Variants in COL23A1 observed in about 807,000 individuals in gnomAD.
COL23A1 encodes the protein collagen alpha-1(XXIII) chain.
Under a neutral mutation model 99.3 loss-of-function variants are expected in COL23A1, and 97 were observed. The ratio of observed to expected loss-of-function variants is 0.98; its 90% confidence interval spans 0.83 to 1.16. COL23A1 has a LOEUF of 1.16. Among genes scored for constraint, COL23A1 ranks in the 50% most tolerant of loss-of-function variants. The pLI is 0.00. For synonymous variants in COL23A1, 320 were observed against 308.2 expected (o/e 1.04, Z -0.40); for missense variants, 762 against 757.4 (o/e 1.01, Z -0.07).
rs1762525608 is a variant in COL23A1 at position 178,560,846 on chromosome 5, A to C, written c.295-98T>G. On this transcript the variant is annotated intron_variant, in intron 1 of 28. Coordinates refer to ENST00000390654, the MANE Select transcript of COL23A1 (RefSeq NM_173465.4). ...AACATCAGCAAAAACAAATGTATCTAAACCATCTACAGTGCTGGGGCTGTC... is the reference window on the plus strand; with the variant it reads ...AACATCAGCAAAAACAAATGTATCTCAACCATCTACAGTGCTGGGGCTGTC... 3.3e-6 allele frequency: 4 copies of C among 1,200,034 alleles called. No individual in the cohort carries two copies. In the South Asian group the frequency reaches 5.5e-5, roughly 16 times the overall value. 74.3% of individuals were successfully genotyped at this position (1,200,034 alleles called of 1,614,324 possible). A position where few individuals can be genotyped will look rare whatever the true frequency, so the allele number is the denominator to read the frequency against.
intron 5 of COL23A1, among the ~76,000 whole-genome samples, chr5:178,285,675 G>A (rs1170221913): frequency 6.6e-6 from 1 of 152,188 alleles, no homozygotes; most frequent in Non-Finnish European, 1.5e-5. Context: ...GCCTGCCCAA[G>A]TCCACACAGG....
intron 2 of COL23A1, among the ~76,000 whole-genome samples, chr5:178,312,586 C>G (rs1758760024): frequency 6.6e-6 from 1 of 151,718 alleles, no homozygotes; most frequent in Admixed American, 6.6e-5. Context: ...CCCAGCCCTC[C>G]CGGCACCTCC....
intron 2 of COL23A1, among the ~76,000 whole-genome samples, chr5:178,408,407 G>C (rs1442419137): frequency 6.6e-6 from 1 of 152,040 alleles, no homozygotes; most frequent in East Asian, 1.9e-4. Flanking sequence ...CAAAAATATG[G>C]GTAAATATAA....
chr5:178,320,466 C>T (rs940438353), intron 2 of COL23A1, among the ~76,000 whole-genome samples: 2 of 152,228 alleles, frequency 1.3e-5, no homozygotes, highest in African/African-American at 4.8e-5. Context: ...GAGCAGGTCC[C>T]ACGCGGCCCC....
chr5:178,581,173 T>C (rs1193307753), intron 1 of COL23A1, among the ~76,000 whole-genome samples: 1 of 152,226 alleles, frequency 6.6e-6, no homozygotes. Flanking sequence ...TGAATCCACG[T>C]TGCCCATTAT....
At chr5:178,567,964 A>G (rs1762916780) in intron 1 of COL23A1, among the ~76,000 whole-genome samples, 1 of 152,222 alleles carries the variant, frequency 6.6e-6, no homozygotes, top group African/African-American at 2.4e-5. Flanking sequence ...GACTTAAACA[A>G]TAACTTTATA....
rs564651316 is a variant in COL23A1, at chr5:178,387,659, C to T, written c.362-80740G>A. Among the ~76,000 whole-genome samples the T allele has an allele frequency of 2.1e-3, 314 of 152,140 alleles. No individual in the cohort carries two copies. The highest frequency in any genetic ancestry group is 4.0e-3 in the Non-Finnish European group (272 of 68,020). The stretch of plus-strand genomic sequence containing the variant: ...GACCATTTACCTTTTATCCCCAGTA[C>T]GAATACAAAGATAAGGTCAAAGAAC... On this transcript the variant is annotated intron_variant, in intron 2 of 28. Transcript: ENST00000390654. The surrounding 1 kb of genome is among the most constrained non-coding windows in gnomAD (Gnocchi z 4.7).
At chr5:178,560,862 T>C in intron 1 of COL23A1, 114 bp from the exon 2 acceptor site, 2 of 969,060 alleles carry the variant, frequency 2.1e-6, no homozygotes, top group Non-Finnish European at 3.1e-6. Context: ...TCTACAGTGC[T>C]GGGGCTGTCT....
rs1043420162 is a variant in COL23A1 at position 178,362,185 on chromosome 5, C to T, written c.362-55266G>A. On this transcript the variant is annotated intron_variant, in intron 2 of 28. Coordinates refer to ENST00000390654, the MANE Select transcript of COL23A1 (RefSeq NM_173465.4). Reference sequence around the variant, plus strand: ...GAGGTGGTGTGCAGAGCGGCTCCTCCTGTCCCTGCCTGTGAACTGTTAGAC... The same window carrying T: ...GAGGTGGTGTGCAGAGCGGCTCCTCTTGTCCCTGCCTGTGAACTGTTAGAC... Among the ~76,000 whole-genome samples, 12 of 152,206 alleles carry T rather than the reference C, an allele frequency of 7.9e-5. No homozygotes were observed. In the East Asian group the frequency reaches 2.3e-3, roughly 29 times the overall value.
At chr5:178,578,129 A>C (rs1345506703) in intron 1 of COL23A1, among the ~76,000 whole-genome samples, 1 of 147,610 alleles carries the variant, frequency 6.8e-6, no homozygotes, top group African/African-American at 2.5e-5. Flanking sequence ...ATGCACACAC[A>C]CACATGCATG....
At chr5:178,424,301 T>A (rs1014496503) in intron 2 of COL23A1, among the ~76,000 whole-genome samples, 11 of 152,234 alleles carry the variant, frequency 7.2e-5, no homozygotes, top group Admixed American at 5.2e-4. Context: ...TGTTAAAACA[T>A]CTTCGCCGCA....
intron 2 of COL23A1, among the ~76,000 whole-genome samples, chr5:178,417,111 T>TGTCAGCAGC (rs1281985968): frequency 6.6e-6 from 1 of 152,222 alleles, no homozygotes; most frequent in Admixed American, 6.5e-5. Context: ...CTGTCAGCAG[T>TGTCAGCAGC]GTCAGCAGCG....
Position 178,365,136 on chromosome 5 carries a change from C to CGTGCGTGTGT in COL23A1, c.362-58218_362-58217insACACACGCAC, listed in dbSNP as rs377169695. On this transcript the variant is annotated intron_variant, in intron 2 of 28. Coordinates refer to ENST00000390654, the MANE Select transcript of COL23A1 (RefSeq NM_173465.4). This position sits in a 1 kb window ranked among gnomAD's most constrained non-coding sequence, Gnocchi z 5.2. ...GGGCTTTATGATGTTGCTGTGTGTG[C>CGTGCGTGTGT]GTGTGTGTGTGTGTGTGTGTGTGTG... Among the ~76,000 whole-genome samples, 96 of 147,910 alleles carry CGTGCGTGTGT rather than the reference C, an allele frequency of 6.5e-4. 1 individual carries two copies. The East Asian group carries it at 7.2e-3, about 11-fold the overall frequency.
At chr5:178,386,077 A>G (rs1763653034) in intron 2 of COL23A1, among the ~76,000 whole-genome samples, 2 of 152,218 alleles carry the variant, frequency 1.3e-5, no homozygotes, top group Non-Finnish European at 2.9e-5. Flanking sequence ...ATTGCAGGCT[A>G]TAATACAATG....
chr5:178,454,818 T>TA (rs1422134223), intron 2 of COL23A1, among the ~76,000 whole-genome samples: 5 of 152,218 alleles, frequency 3.3e-5, no homozygotes, highest in Non-Finnish European at 5.9e-5. Flanking sequence ...CCGTGGCTGT[T>TA]AAAAAATACC....
chr5:178,399,281 AAG>A (rs1051866819), intron 2 of COL23A1, among the ~76,000 whole-genome samples: 13 of 152,120 alleles, frequency 8.5e-5, no homozygotes, highest in Admixed American at 4.6e-4. Flanking sequence ...CAGCACAGAG[AAG>A]AGAGAGAGTC....
chr5:178,588,852 G>A (rs935768324), intron 1 of COL23A1, among the ~76,000 whole-genome samples: 12 of 152,202 alleles, frequency 7.9e-5, no homozygotes, highest in Non-Finnish European at 1.3e-4. Flanking sequence ...GTACAGGCCA[G>A]TGCTCCCTCT....
At chr5:178,503,628 G>C (rs542766955) in intron 2 of COL23A1, among the ~76,000 whole-genome samples, 11 of 152,100 alleles carry the variant, frequency 7.2e-5, no homozygotes, top group Admixed American at 6.5e-5. Flanking sequence ...GTATGTAAAC[G>C]CATGTGTGTG....
chr5:178,252,580 C>T lies in COL23A1; in HGVS notation c.978G>A (p.Gln326=). 1 of 1,611,282 alleles carries T rather than the reference C, an allele frequency of 6.2e-7. No homozygotes were observed. Among genetic ancestry groups the T allele is most frequent in the South Asian group, 1.1e-5 (1 of 90,290 alleles). ...GGATCCCTGGTGGCCCTGGGGGCCC[C>T]TGTGGTCCGGGAGGCCCCTGTGTGT... ...LDALKGPPGP[Q]GPPGPPGIPG... Residue 326 remains glutamine (Q), a synonymous_variant, in exon 17 of 29, where the codon CAG becomes CAA. Coordinates refer to ENST00000390654, the MANE Select transcript of COL23A1 (RefSeq NM_173465.4).
Sources: gnomAD v4.1 joint callset for allele counts (sites outside exome capture counted in the v4.1 genomes callset) on GRCh38, gnomAD v4.1.1 for gene constraint, Gnocchi (gnomAD v3.1) non-coding constraint, MANE v1.5 for transcripts, NCBI Gene and HGNC (gene_info 2026-07-23, HGNC 2026-07-21) for gene names.